Variants in CNTN6 observed in about 807,000 individuals in gnomAD.
The protein encoded by CNTN6 is contactin-6.
CNTN6 carries 137 observed loss-of-function variants against 122.8 expected under a neutral mutation model. The ratio of observed to expected loss-of-function variants is 1.12; its 90% CI spans 0.97 to 1.29. The LOEUF (loss-of-function observed/expected upper bound fraction) is 1.29, where lower values mean the gene tolerates loss of function less well. Among genes scored for constraint, CNTN6 ranks in the 50% most tolerant of loss-of-function variants. The pLI is 0.00. For synonymous variants in CNTN6, 570 were observed against 426.0 expected, an observed-to-expected ratio of 1.34 and a Z score of -4.16; for missense variants, 1,634 against 1,223.4, an observed-to-expected ratio of 1.34 and a Z score of -5.01.
At chr3:1,322,310 C>G (rs917207135) in intron 8 of CNTN6, among the ~76,000 whole-genome samples, 1 of 151,640 alleles carries the variant, frequency 6.6e-6, no homozygotes, top group African/African-American at 2.4e-5. Context: ...AAGGCAATTA[C>G]ATTATTTAAA....
intron 20 of CNTN6, among the ~76,000 whole-genome samples, chr3:1,390,418 G>A (rs1693942995): frequency 6.6e-6 from 1 of 151,408 alleles, no homozygotes; most frequent in East Asian, 1.9e-4. Flanking sequence ...GCAGTGTGTA[G>A]AGGGAAATTT....
At chr3:1,343,372 T>C (rs1323340588) in intron 11 of CNTN6, among the ~76,000 whole-genome samples, 1 of 152,122 alleles carries the variant, frequency 6.6e-6, no homozygotes, top group Non-Finnish European at 1.5e-5. Flanking sequence ...GCATCAACTT[T>C]TGTACTGCTT....
In CNTN6 at chr3:1,148,032, A is replaced by G. The variant is rs754573226; in HGVS notation, c.24A>G (p.Val8=). MRLLWKL[V]ILLPLINSSA... is the part of the protein sequence containing the mutation. Reference sequence around the variant, plus strand: ...AAATGAGGTTGCTATGGAAACTGGTAATTCTGCTGCCACTCATAAACTCTT... The same window carrying G: ...AAATGAGGTTGCTATGGAAACTGGTGATTCTGCTGCCACTCATAAACTCTT... The change falls in exon 2 of 23, where the codon GTA becomes GTG. Residue 8 remains valine (V), a synonymous_variant. Coordinates refer to ENST00000446702, the MANE Select transcript of CNTN6 (RefSeq NM_001289080.2). 4.5e-5 allele frequency: 73 copies of G among 1,608,262 alleles called. No homozygotes were observed. The highest frequency in any genetic ancestry group is 2.4e-4 in the South Asian group (22 of 90,684).
chr3:1,158,511 T>C (rs2093028040), intron 2 of CNTN6, among the ~76,000 whole-genome samples: 1 of 152,046 alleles, frequency 6.6e-6, no homozygotes. Context: ...ATTGTTTCCT[T>C]TTCTATATAG....
At chr3:1,127,156 G>C (rs2092192891) in intron 1 of CNTN6, among the ~76,000 whole-genome samples, 2 of 151,668 alleles carry the variant, frequency 1.3e-5, no homozygotes, top group South Asian at 4.1e-4. Flanking sequence ...AAATAGAAAA[G>C]TTGAAAATGC....
chr3:1,159,981 T>C (rs138782430), intron 2 of CNTN6, among the ~76,000 whole-genome samples: 26,500 of 151,718 alleles, frequency 0.17, 2,786 homozygotes, highest in East Asian at 0.31. Context: ...CCACCACACC[T>C]GGCTAATTTT....
chr3:1,393,438 G>A (rs1377541575), intron 20 of CNTN6, among the ~76,000 whole-genome samples: 1 of 140,818 alleles, frequency 7.1e-6, no homozygotes, highest in Non-Finnish European at 1.5e-5. Context: ...GGATAGCATT[G>A]GGAGATATAC....
chr3:1,168,874 A>AT (rs1189126580), intron 2 of CNTN6, among the ~76,000 whole-genome samples: 5 of 152,214 alleles, frequency 3.3e-5, no homozygotes, highest in South Asian at 4.2e-4. Context: ...ATATAGGTTA[A>AT]TTTTTTTTAA....
chr3:1,177,151 G>A (rs1365219758), intron 2 of CNTN6, among the ~76,000 whole-genome samples: 1 of 152,142 alleles, frequency 6.6e-6, no homozygotes, highest in Non-Finnish European at 1.5e-5. Context: ...CGTGATAAAA[G>A]TAAAAAATGT....
chr3:1,222,020 A>G (rs2094213897), intron 3 of CNTN6, among the ~76,000 whole-genome samples: 1 of 152,232 alleles, frequency 6.6e-6, no homozygotes, highest in Non-Finnish European at 1.5e-5. Context: ...AATGCACTTA[A>G]TTAGCTAAAT....
chr3:1,099,754 A>C (rs1166445185), intron 1 of CNTN6, among the ~76,000 whole-genome samples: 4 of 152,160 alleles, frequency 2.6e-5, no homozygotes, highest in African/African-American at 7.2e-5. Context: ...ATGTTGATGA[A>C]GTTGGACTTA....
chr3:1,337,739 C>T (rs531964034), intron 11 of CNTN6, among the ~76,000 whole-genome samples: 4 of 152,204 alleles, frequency 2.6e-5, no homozygotes, highest in Admixed American at 2.6e-4. Flanking sequence ...ATACTCAACT[C>T]CTGAGAGCCT....
intron 2 of CNTN6, among the ~76,000 whole-genome samples, chr3:1,214,853 CT>C (rs2094108079): frequency 6.6e-6 from 1 of 152,092 alleles, no homozygotes; most frequent in African/African-American, 2.4e-5. Flanking sequence ...AATCCCTGGG[CT>C]CAAGTGATTC....
At chr3:1,236,869 A>G (rs1028782144) in intron 4 of CNTN6, among the ~76,000 whole-genome samples, 1 of 152,098 alleles carries the variant, frequency 6.6e-6, no homozygotes, top group Admixed American at 6.5e-5. Context: ...TCACAAGGTC[A>G]GGAGATCAAG....
At chr3:1,383,633 A>C (rs574937576) in intron 19 of CNTN6, among the ~76,000 whole-genome samples, 1 of 151,304 alleles carries the variant, frequency 6.6e-6, no homozygotes, top group East Asian at 1.9e-4. Context: ...AGAGTGAGCC[A>C]GTGGTAAAAA....
intron 12 of CNTN6, among the ~76,000 whole-genome samples, chr3:1,356,645 G>A (rs1253385368): frequency 6.6e-6 from 1 of 151,788 alleles, no homozygotes; most frequent in Admixed American, 6.6e-5. Context: ...GAATACATTT[G>A]TCATATCGTA....
At chr3:1,280,427 C>T (rs1413904494) in intron 5 of CNTN6, among the ~76,000 whole-genome samples, 3 of 139,208 alleles carry the variant, frequency 2.2e-5, no homozygotes, top group Non-Finnish European at 4.6e-5. Context: ...AATCTTGCTG[C>T]ATGGGAGTAA....
chr3:1,151,863 G>A (rs2092850205), intron 2 of CNTN6, among the ~76,000 whole-genome samples: 1 of 151,866 alleles, frequency 6.6e-6, no homozygotes, highest in Admixed American at 6.6e-5. Flanking sequence ...GAGGAAAAGA[G>A]CAAATAAAAG....
At chr3:1,152,011 A>C (rs1408961091) in intron 2 of CNTN6, among the ~76,000 whole-genome samples, 1 of 152,226 alleles carries the variant, frequency 6.6e-6, no homozygotes. Context: ...TTAATGAGAT[A>C]ATTTGGATAA....
Sources: allele counts gnomAD v4.1 joint callset (sites outside exome capture counted in the v4.1 genomes callset), GRCh38; gene constraint gnomAD v4.1.1; transcripts MANE v1.5; gene names NCBI Gene and HGNC (gene_info 2026-07-23, HGNC 2026-07-21).